The following CDH11 variants were observed in gnomAD, a reference collection of about 807,000 sequenced individuals.
CDH11 encodes cadherin 11.
A neutral mutation model predicts 67.8 loss-of-function variants in CDH11; 11 were observed. The observed-to-expected ratio is 0.16, with a 90% CI of 0.10 to 0.27. The LOEUF (loss-of-function observed/expected upper bound fraction) is 0.27, where lower values mean the gene tolerates loss of function less well. Ranked by LOEUF, CDH11 falls within the 10% of genes least tolerant of loss-of-function variation. The pLI is 1.00. For missense variants in CDH11, 847 were observed against 1,031.2 expected (o/e 0.82, Z 2.45); for synonymous variants, 419 against 400.0 (o/e 1.05, Z -0.57).
At chr16:65,054,325 T>C (rs192095156) in intron 1 of CDH11, among the ~76,000 whole-genome samples, 2 of 152,308 alleles carry the variant, frequency 1.3e-5, no homozygotes, top group East Asian at 3.9e-4. Flanking sequence ...AATGTCTTCC[T>C]TCCTAAAGTG....
chr16:65,120,912 A>G (rs1173019437), intron 1 of CDH11, among the ~76,000 whole-genome samples: 1 of 151,916 alleles, frequency 6.6e-6, no homozygotes, highest in African/African-American at 2.4e-5. Flanking sequence ...TGGGTTGGGG[A>G]GGGGGGAGAA....
chr16:65,012,457 T>C (rs1011720431), intron 2 of CDH11, among the ~76,000 whole-genome samples: 2 of 152,198 alleles, frequency 1.3e-5, no homozygotes, highest in Non-Finnish European at 2.9e-5. Flanking sequence ...ATAGGAAGGT[T>C]ACAAGGCACT....
At chr16:65,104,182 T>C (rs1359858922) in intron 1 of CDH11, among the ~76,000 whole-genome samples, 1 of 152,212 alleles carries the variant, frequency 6.6e-6, no homozygotes, top group East Asian at 1.9e-4. Flanking sequence ...TATGCCAATT[T>C]CCTTTAAAAG....
chr16:64,971,961 C>T lies in CDH11; in HGVS notation c.1494G>A (p.Glu498=). Residue 498 remains glutamate, a synonymous_variant, in exon 10 of 13, where the codon GAG becomes GAA. Transcript: ENST00000268603. ...TGGAAAGTGGCTTGGTCTGATCACT[C>T]TCACAGATGAAACCTTCATAAGGGG... ...FAAPYEGFIC[E]SDQTKPLSNQ... 1 of 1,614,042 alleles carries T rather than the reference C, an allele frequency of 6.2e-7. No homozygotes were observed. The highest frequency in any genetic ancestry group is 8.5e-7 in the Non-Finnish European group (1 of 1,179,946).
At chr16:65,048,606 C>G (rs974724802) in intron 2 of CDH11, among the ~76,000 whole-genome samples, 2 of 151,268 alleles carry the variant, frequency 1.3e-5, no homozygotes, top group African/African-American at 4.9e-5. Context: ...TGCACATATA[C>G]ATATATACAC....
chr16:64,943,825 A>G lies in CDH11; in HGVS notation c.*3778T>C, dbSNP rs887837724. On this transcript the variant is annotated 3_prime_UTR_variant, in exon 13 of 13. Coordinates refer to ENST00000268603, the MANE Select transcript of CDH11 (RefSeq NM_001797.4). ...GCACTGTGTAAAGAACTGAGTATAC[A>G]ATGGTAAACAAGAAAGCAAGATTCC... 48 of 221,550 alleles carry G rather than the reference A, an allele frequency of 2.2e-4. No individual in the cohort carries two copies. The highest frequency in any genetic ancestry group is 1.1e-3 in the African/African-American group (47 of 44,732). The allele number at this position is 221,550 out of a possible 1,614,324, so 13.7% of individuals were successfully genotyped here.
intron 2 of CDH11, among the ~76,000 whole-genome samples, chr16:65,049,158 C>G (rs944785399): frequency 6.6e-6 from 1 of 152,078 alleles, no homozygotes; most frequent in African/African-American, 2.4e-5. Flanking sequence ...AATACACATA[C>G]AATAAGCATG....
intron 2 of CDH11, among the ~76,000 whole-genome samples, chr16:65,024,165 A>G (rs1431105665): frequency 6.6e-6 from 1 of 152,300 alleles, no homozygotes; most frequent in African/African-American, 2.4e-5. Context: ...GCACTTTCTC[A>G]GTACTTTACC....
chr16:65,052,255 C>T (rs117419456), intron 2 of CDH11, among the ~76,000 whole-genome samples: 510 of 152,164 alleles, frequency 3.4e-3, no homozygotes, highest in Non-Finnish European at 5.5e-3. Context: ...CCAAATAAGT[C>T]CTGTCCTCAA....
At chr16:65,080,115 A>C (rs2074584056) in intron 1 of CDH11, among the ~76,000 whole-genome samples, 1 of 152,076 alleles carries the variant, frequency 6.6e-6, no homozygotes, top group South Asian at 2.1e-4. Flanking sequence ...TACCTGACTT[A>C]ATATAAACCC....
chr16:65,045,333 A>G (rs1253198465), intron 2 of CDH11, among the ~76,000 whole-genome samples: 2 of 45,222 alleles, frequency 4.4e-5, no homozygotes, highest in African/African-American at 9.5e-5. Flanking sequence ...TCAAAAGTAT[A>G]TATATATATA....
At chr16:64,997,429 A>C (rs1004188497) in intron 4 of CDH11, among the ~76,000 whole-genome samples, 1 of 150,226 alleles carries the variant, frequency 6.7e-6, no homozygotes, top group East Asian at 1.9e-4. Context: ...AACATCAATG[A>C]GCCCGCAAAG....
At chr16:65,015,859 C>T (rs1235729300) in intron 2 of CDH11, among the ~76,000 whole-genome samples, 3 of 152,172 alleles carry the variant, frequency 2.0e-5, no homozygotes, top group Admixed American at 6.5e-5. Context: ...GAAATAATTG[C>T]TAAAGCCAGG....
chr16:64,999,186 T>C (rs1300738158), intron 3 of CDH11, among the ~76,000 whole-genome samples: 1 of 152,202 alleles, frequency 6.6e-6, no homozygotes, highest in African/African-American at 2.4e-5. Context: ...TAAATGTATG[T>C]TTATTTTTAA....
intron 11 of CDH11, among the ~76,000 whole-genome samples, chr16:64,964,320 C>T (rs776195921): frequency 7.2e-5 from 11 of 152,220 alleles, no homozygotes; most frequent in African/African-American, 1.4e-4. Context: ...CAGTATGTTA[C>T]TCTGTTGAAT....
At chr16:65,092,930 G>A (rs2074816490) in intron 1 of CDH11, among the ~76,000 whole-genome samples, 1 of 149,368 alleles carries the variant, frequency 6.7e-6, no homozygotes, top group African/African-American at 2.5e-5. Context: ...AAAACTACAA[G>A]TTTGTCTCCT....
chr16:64,949,470 A>T (rs1597002179), intron 12 of CDH11, among the ~76,000 whole-genome samples: 1 of 132,882 alleles, frequency 7.5e-6, no homozygotes, highest in Non-Finnish European at 1.5e-5. Flanking sequence ...CTTGTTGCCC[A>T]GGCTGAAGTG....
At chr16:64,964,621 T>A (rs2071759901) in intron 11 of CDH11, among the ~76,000 whole-genome samples, 1 of 152,064 alleles carries the variant, frequency 6.6e-6, no homozygotes, top group South Asian at 2.1e-4. Flanking sequence ...CCATCTCGGC[T>A]CACTGCAAGC....
At chr16:64,960,615 G>C (rs2071646548) in intron 11 of CDH11, among the ~76,000 whole-genome samples, 1 of 152,126 alleles carries the variant, frequency 6.6e-6, no homozygotes, top group South Asian at 2.1e-4. Context: ...GGGATAGACA[G>C]GGGGAGTAAA....
Sources: gnomAD v4.1 joint callset for allele counts (sites outside exome capture counted in the v4.1 genomes callset) on GRCh38, gnomAD v4.1.1 for gene constraint, MANE v1.5 for transcripts, NCBI Gene and HGNC (gene_info 2026-07-23, HGNC 2026-07-21) for gene names.